Variants in METAP1D observed in about 807,000 individuals in gnomAD.
The protein encoded by METAP1D is methionine aminopeptidase 1D, mitochondrial.
In METAP1D, 31 loss-of-function variants were observed where a neutral mutation model predicts 40.5. That is an observed-to-expected ratio of 0.77 (90% confidence interval 0.58 to 1.03). METAP1D has a LOEUF of 1.03. Ranked by LOEUF, METAP1D falls within the 50% of genes least tolerant of loss-of-function variation. The pLI is 0.00. For synonymous variants in METAP1D, 151 were observed against 146.4 expected (o/e 1.03, Z -0.22); for missense variants, 411 against 420.7 (o/e 0.98, Z 0.20).
intron 1 of METAP1D, among the ~76,000 whole-genome samples, chr2:172,005,620 C>G (rs1186569498): frequency 6.8e-6 from 1 of 147,862 alleles, no homozygotes; most frequent in Non-Finnish European, 1.5e-5. Context: ...TCACTGCAAC[C>G]TCCGCCTCCC....
chr2:172,078,262 C>T (rs1330984743), intron 7 of METAP1D, among the ~76,000 whole-genome samples: 1 of 152,136 alleles, frequency 6.6e-6, no homozygotes, highest in Non-Finnish European at 1.5e-5. Context: ...CTTTTTCTAC[C>T]CCCTTTTCTA....
chr2:172,019,559 A>G (rs1443388192), intron 1 of METAP1D, among the ~76,000 whole-genome samples: 1 of 151,604 alleles, frequency 6.6e-6, no homozygotes, highest in Non-Finnish European at 1.5e-5. Flanking sequence ...TCTATTGTAT[A>G]TATATAAAAT....
At chr2:172,051,084 A>G (rs1015025960) in intron 1 of METAP1D, among the ~76,000 whole-genome samples, 2 of 142,786 alleles carry the variant, frequency 1.4e-5, no homozygotes, top group African/African-American at 5.1e-5. Context: ...TTAAATTTTG[A>G]AGTAAACTTT....
rs368067067 is a variant in METAP1D at position 172,079,220 on chromosome 2, G to A, written c.808G>A (p.Asp270Asn). 50 of 1,613,392 alleles carry A rather than the reference G, an allele frequency of 3.1e-5. No homozygotes were observed. Among genetic ancestry groups the A allele is most frequent in the Non-Finnish European group, 4.2e-5 (49 of 1,179,900 alleles). ...GHPEIWHHAN[D>N]SDLPMEEGMA... ...CCATGTTTTTTGTTTTGCAGCAAAC[G>A]ACAGTGATCTACCCATGGAGGAGGG... The change falls in exon 8 of 10, where the codon GAC becomes AAC. Residue 270 changes from aspartate to asparagine, a missense_variant. By Grantham distance (23) the Asp-to-Asn change is conservative (BLOSUM62 1). Transcript: ENST00000315796.
At position 172,043,096 on chromosome 2, in the gene METAP1D, CAT is replaced by C. The variant is rs1240909940; in HGVS notation, c.41-18381_41-18380del. ...GTGTGTGTGTACATATATTTACATA[CAT>C]ATATATATATATATATATATTTTTT... On this transcript the variant is annotated intron_variant, in intron 1 of 9. Coordinates refer to ENST00000315796, the MANE Select transcript of METAP1D (RefSeq NM_199227.3). 4.1e-3 allele frequency among the ~76,000 whole-genome samples: 25 copies of C among 6,038 alleles called. 1 individual carries two copies. The highest frequency in any genetic ancestry group is 5.3e-3 in the African/African-American group (25 of 4,730). 4.0% of individuals were successfully genotyped at this position (6,038 alleles called of 152,430 possible). A position where few individuals can be genotyped will look rare whatever the true frequency, so the allele number is the denominator to read the frequency against.
At chr2:172,075,641 T>C (rs182469606) in intron 6 of METAP1D, among the ~76,000 whole-genome samples, 14 of 152,340 alleles carry the variant, frequency 9.2e-5, no homozygotes, top group Non-Finnish European at 1.5e-4. Context: ...GTGCTCCCCA[T>C]TTATTCCAAA....
chr2:172,021,445 C>G (rs1250266849), intron 1 of METAP1D, among the ~76,000 whole-genome samples: 1 of 152,138 alleles, frequency 6.6e-6, no homozygotes, highest in Non-Finnish European at 1.5e-5. Flanking sequence ...GTAAGCTAAA[C>G]GAGTGATGAG....
rs183631888 is a variant in METAP1D at position 172,055,528 on chromosome 2, T to C, written c.41-5970T>C. Reference sequence around the variant, plus strand: ...ACAAAGTTGAGGGCCCGCCCCTCTTTCTTTGCCAGGCTAGTTGGAGGACCA... The same window carrying C: ...ACAAAGTTGAGGGCCCGCCCCTCTTCCTTTGCCAGGCTAGTTGGAGGACCA... On this transcript the variant is annotated intron_variant, in intron 1 of 9. Transcript: ENST00000315796. 1.3e-3 allele frequency among the ~76,000 whole-genome samples: 200 copies of C among 152,332 alleles called. 1 individual carries two copies. The highest frequency in any genetic ancestry group is 0.01 in the Middle Eastern group (3 of 294).
chr2:172,043,034 T>C lies in METAP1D; in HGVS notation c.41-18464T>C, dbSNP rs1440067028. Among the ~76,000 whole-genome samples, 14 of 77,892 alleles carry C rather than the reference T, an allele frequency of 1.8e-4. 4 individuals are homozygous for C. Among genetic ancestry groups the C allele is most frequent in the East Asian group, 7.8e-4 (2 of 2,554 alleles). 51.1% of individuals were successfully genotyped at this position (77,892 alleles called of 152,430 possible). ...GTATGTGTACACATATATGTGTATA[T>C]GTGTACACGTGTACACATATATGTG... On this transcript the variant is annotated intron_variant, in intron 1 of 9. Coordinates refer to ENST00000315796, the MANE Select transcript of METAP1D (RefSeq NM_199227.3).
intron 1 of METAP1D, among the ~76,000 whole-genome samples, chr2:172,028,967 A>G (rs1035056868): frequency 1.3e-5 from 2 of 152,232 alleles, no homozygotes; most frequent in Non-Finnish European, 2.9e-5. Flanking sequence ...CTTCTAAAAT[A>G]TAGCAGAGAC....
chr2:172,079,085 A>G (rs1454556186), intron 7 of METAP1D, 130 bp from the exon 8 acceptor site: 1 of 870,006 alleles, frequency 1.1e-6, no homozygotes, highest in African/African-American at 1.7e-5. Context: ...AGAAATCTCC[A>G]CCCTTCCTTC....
rs1415795843 is a variant in METAP1D at position 172,041,806 on chromosome 2, T to G, written c.41-19692T>G. 3.0e-5 allele frequency among the ~76,000 whole-genome samples: 2 copies of G among 66,560 alleles called. 1 individual carries two copies. Among genetic ancestry groups the G allele is most frequent in the Non-Finnish European group, 7.6e-5 (2 of 26,158 alleles). 43.7% of individuals were successfully genotyped at this position (66,560 alleles called of 152,430 possible). A position where few individuals can be genotyped will look rare whatever the true frequency, so the allele number is the denominator to read the frequency against. On this transcript the variant is annotated intron_variant, in intron 1 of 9. Coordinates refer to ENST00000315796, the MANE Select transcript of METAP1D (RefSeq NM_199227.3). ...AGAAATGACCTAATATATATATAGT[T>G]TTTTTTTTTTTTAAGATGGAGTCTT... is the stretch of plus-strand genomic sequence containing the variant.
intron 1 of METAP1D, among the ~76,000 whole-genome samples, chr2:172,029,619 C>T (rs964052825): frequency 4.6e-5 from 7 of 152,216 alleles, no homozygotes; most frequent in African/African-American, 1.7e-4. Context: ...ATAACATGAG[C>T]ATCTGTGGTG....
chr2:172,064,207 C>G (rs1048967303), intron 3 of METAP1D: 1 of 184,314 alleles, frequency 5.4e-6, no homozygotes, highest in African/African-American at 2.4e-5. Flanking sequence ...TTTTACTCCC[C>G]ACATTATTTC....
chr2:172,044,419 A>C (rs1689686816), intron 1 of METAP1D, among the ~76,000 whole-genome samples: 1 of 125,930 alleles, frequency 7.9e-6, no homozygotes, highest in African/African-American at 2.6e-5. Context: ...AAAAAAAAAA[A>C]AAAAAAACCC....
intron 1 of METAP1D, among the ~76,000 whole-genome samples, chr2:172,052,626 C>T (rs961350343): frequency 1.3e-5 from 2 of 152,140 alleles, no homozygotes; most frequent in African/African-American, 4.8e-5. Context: ...TGGAGAAGCC[C>T]ATAGCTAAAA....
chr2:172,079,327 G>A, intron 8 of METAP1D, 65 bp downstream of exon 8: 1 of 1,499,874 alleles, frequency 6.7e-7, no homozygotes, highest in Non-Finnish European at 9.3e-7. Flanking sequence ...CACTGGCCTA[G>A]GCCCGGCAGT....
Position 172,000,836 on chromosome 2 carries a change from C to CA in METAP1D, c.40+833dup, listed in dbSNP as rs751921656. Reference sequence around the variant, plus strand: ...CTCAATGAATGAGACCCCGTCTCTACAAAAAATTTTAAAAATTAGTCGGGC... The same window carrying CA: ...CTCAATGAATGAGACCCCGTCTCTACAAAAAAATTTTAAAAATTAGTCGGGC... On this transcript the variant is annotated intron_variant, in intron 1 of 9. Coordinates refer to ENST00000315796, the MANE Select transcript of METAP1D (RefSeq NM_199227.3). Among the ~76,000 whole-genome samples, 8 of 152,224 alleles carry CA rather than the reference C, an allele frequency of 5.3e-5. No homozygotes were observed. In the East Asian group the frequency reaches 9.7e-4, roughly 18 times the overall value.
At chr2:172,045,729 GTGTA>G (rs1418560406) in intron 1 of METAP1D, among the ~76,000 whole-genome samples, 32 of 85,472 alleles carry the variant, frequency 3.7e-4, no homozygotes, top group African/African-American at 9.1e-4. Flanking sequence ...GTGTGTGTGT[GTGTA>G]TATATATGTG....
Sources: gnomAD v4.1 joint callset for allele counts (sites outside exome capture counted in the v4.1 genomes callset) on GRCh38, gnomAD v4.1.1 for gene constraint, MANE v1.5 for transcripts, NCBI Gene and HGNC (gene_info 2026-07-23, HGNC 2026-07-21) for gene names.